ROBO2: variants seen among roughly 807,000 people sequenced by gnomAD.
ROBO2 encodes roundabout homolog 2.
ROBO2 carries 53 observed loss-of-function variants against 160.8 expected under a neutral mutation model. The observed-to-expected ratio is 0.33, with a 90% CI of 0.26 to 0.41. The LOEUF (loss-of-function observed/expected upper bound fraction) is 0.41. Ranked by LOEUF, ROBO2 falls within the 10% of genes least tolerant of loss-of-function variation. The pLI, the probability that ROBO2 is intolerant of heterozygous loss-of-function variation, is 1.00. For missense variants in ROBO2, 1,577 were observed against 1,722.4 expected, an observed-to-expected ratio of 0.92 and a Z score of 1.49; for synonymous variants, 664 against 611.7, an observed-to-expected ratio of 1.09 and a Z score of -1.26.
chr3:77,455,920 A>G (rs576638534), intron 2 of ROBO2, among the ~76,000 whole-genome samples: 1 of 152,268 alleles, frequency 6.6e-6, no homozygotes, highest in South Asian at 2.1e-4. Context: ...CCAGTTAAAT[A>G]TTCCTAAATG....
At chr3:77,622,352 C>G in exon 23 of ROBO2, 2 of 1,613,738 alleles carry the variant, frequency 1.2e-6, no homozygotes, top group Non-Finnish European at 1.7e-6. Flanking sequence ...GAAGAGGAAG[C>G]TTTAGAAATC....
chr3:75,944,070 C>T (rs73841040), intron 2 of ROBO2, among the ~76,000 whole-genome samples: 32 of 152,012 alleles, frequency 2.1e-4, no homozygotes, highest in African/African-American at 6.0e-4. Flanking sequence ...AATCTGTATA[C>T]GAAATTTTTT....
chr3:77,397,434 A>G (rs2075384321), intron 2 of ROBO2, among the ~76,000 whole-genome samples: 1 of 152,158 alleles, frequency 6.6e-6, no homozygotes, highest in Non-Finnish European at 1.5e-5. Flanking sequence ...TCCCGTCTTC[A>G]TGAGTCCCAT....
At chr3:77,271,548 G>A (rs1260422968) in intron 2 of ROBO2, among the ~76,000 whole-genome samples, 3 of 152,188 alleles carry the variant, frequency 2.0e-5, no homozygotes, top group African/African-American at 7.2e-5. Context: ...CATAAAGTGT[G>A]ATTAGAGCCT....
intron 1 of ROBO2, among the ~76,000 whole-genome samples, chr3:77,053,309 T>C (rs1282192374): frequency 1.3e-5 from 2 of 152,198 alleles, no homozygotes; most frequent in Non-Finnish European, 2.9e-5. Context: ...AAAAAGTCAT[T>C]CTCATTCTAT....
At chr3:77,607,833 T>G (rs1470281451) in exon 21 of ROBO2, 2 of 1,613,722 alleles carry the variant, frequency 1.2e-6, no homozygotes, top group African/African-American at 2.7e-5. Flanking sequence ...AAATAAAAAC[T>G]CTTCTAAACC....
chr3:76,986,038 TA>T (rs944699630), intron 2 of ROBO2, among the ~76,000 whole-genome samples: 2 of 152,194 alleles, frequency 1.3e-5, no homozygotes, highest in Non-Finnish European at 2.9e-5. Context: ...ATCTAATCAA[TA>T]ACTCTGATAA....
intron 2 of ROBO2, among the ~76,000 whole-genome samples, chr3:76,072,983 G>C (rs2068512894): frequency 6.6e-6 from 1 of 152,066 alleles, no homozygotes; most frequent in Non-Finnish European, 1.5e-5. Context: ...CTTACACTTT[G>C]GCACATAATA....
intron 2 of ROBO2, among the ~76,000 whole-genome samples, chr3:77,436,451 T>C (rs1244566520): frequency 6.6e-6 from 1 of 151,876 alleles, no homozygotes; most frequent in African/African-American, 2.4e-5. Flanking sequence ...TTTTTTTCTT[T>C]TTTATTCCTC....
At chr3:77,613,977 A>G (rs2094708748) in intron 21 of ROBO2, among the ~76,000 whole-genome samples, 1 of 152,196 alleles carries the variant, frequency 6.6e-6, no homozygotes, top group Admixed American at 6.5e-5. Flanking sequence ...GCTTATTGGA[A>G]ATAAGTTGGT....
At chr3:76,481,013 T>C (rs1397889763) in intron 2 of ROBO2, among the ~76,000 whole-genome samples, 1 of 152,194 alleles carries the variant, frequency 6.6e-6, no homozygotes, top group Non-Finnish European at 1.5e-5. Flanking sequence ...CCCCAGCCAA[T>C]TCATTTTGTT....
Position 77,218,568 on chromosome 3 carries a change from T to G in ROBO2, c.388+120228T>G, listed in dbSNP as rs140498016. Among the ~76,000 whole-genome samples the G allele has an allele frequency of 4.1e-3, 629 of 152,208 alleles. 3 individuals are homozygous for G. Among genetic ancestry groups the G allele is most frequent in the African/African-American group, 0.014 (587 of 41,526 alleles). On this transcript the variant is annotated intron_variant, in intron 2 of 25. Coordinates refer to ENST00000461745, the Ensembl canonical transcript of ROBO2. ...TTGTATTTTTTAGTAGAGATGGGGT[T>G]TTACCATCTTGGCCAGGCTGGTCTT...
At chr3:76,437,840 A>C (rs993790137) in intron 2 of ROBO2, among the ~76,000 whole-genome samples, 1 of 152,106 alleles carries the variant, frequency 6.6e-6, no homozygotes, top group Non-Finnish European at 1.5e-5. Context: ...GCAGTTGTTT[A>C]ATTATGCCAA....
At chr3:77,012,410 G>T (rs1054055073) in intron 2 of ROBO2, among the ~76,000 whole-genome samples, 1 of 152,076 alleles carries the variant, frequency 6.6e-6, no homozygotes, top group Non-Finnish European at 1.5e-5. Context: ...AAAAGTTCAT[G>T]CTCATAAATT....
intron 21 of ROBO2, among the ~76,000 whole-genome samples, chr3:77,611,578 A>T (rs1303731242): frequency 6.6e-6 from 1 of 152,178 alleles, no homozygotes; most frequent in East Asian, 1.9e-4. Context: ...AGCTAATGGT[A>T]ATCATCACCC....
intron 2 of ROBO2, among the ~76,000 whole-genome samples, chr3:77,209,132 T>C (rs888805244): frequency 6.6e-6 from 1 of 152,208 alleles, no homozygotes; most frequent in Non-Finnish European, 1.5e-5. Flanking sequence ...TATTAAAAAC[T>C]TTATTCCAGA....
intron 2 of ROBO2, among the ~76,000 whole-genome samples, chr3:75,987,050 G>T (rs1359763845): frequency 6.6e-6 from 1 of 151,652 alleles, no homozygotes; most frequent in African/African-American, 2.4e-5. Context: ...TGGCTATTTG[G>T]TGTCCCTTGA....
At chr3:76,681,179 A>T (rs1372159596) in intron 2 of ROBO2, among the ~76,000 whole-genome samples, 1 of 152,194 alleles carries the variant, frequency 6.6e-6, no homozygotes, top group African/African-American at 2.4e-5. Context: ...CTTTAATAAG[A>T]GGTTTTTATG....
chr3:76,188,577 G>C (rs552239676), intron 2 of ROBO2, among the ~76,000 whole-genome samples: 1 of 152,148 alleles, frequency 6.6e-6, no homozygotes, highest in South Asian at 2.1e-4. Flanking sequence ...ATAAATTTCT[G>C]TTGTTTTAAG....
Sources: gnomAD v4.1 joint callset for allele counts (sites outside exome capture counted in the v4.1 genomes callset) on GRCh38, gnomAD v4.1.1 for gene constraint, MANE v1.5 for transcripts, NCBI Gene and HGNC (gene_info 2026-07-23, HGNC 2026-07-21) for gene names.